The following GCNT4 variants were observed in gnomAD, a reference collection of about 807,000 sequenced individuals.
The protein encoded by GCNT4 is glucosaminyl (N-acetyl) transferase 4, also known as beta-1,3-galactosyl-O-glycosyl-glycoprotein beta-1,6-N-acetylglucosaminyltransferase 4.
Under a neutral mutation model 31.3 loss-of-function variants are expected in GCNT4, and 17 were observed. The observed-to-expected ratio is 0.54, with a 90% CI of 0.37 to 0.81. The LOEUF (loss-of-function observed/expected upper bound fraction) is 0.81. Among genes scored for constraint, GCNT4 ranks in the 40% least tolerant of loss-of-function variants. The pLI is 0.00. For missense variants in GCNT4, 503 were observed against 525.5 expected (o/e 0.96, Z 0.42); for synonymous variants, 158 against 190.6 (o/e 0.83, Z 1.41).
intron 3 of GCNT4, among the ~76,000 whole-genome samples, chr5:75,045,932 GT>G (rs376030744): frequency 1.9e-4 from 28 of 145,172 alleles, no homozygotes; most frequent in Non-Finnish European, 2.5e-4. Flanking sequence ...ATTTGGAAAT[GT>G]TTTTTTTTTA....
chr5:75,042,283 AC>A (rs1227829884), intron 3 of GCNT4, among the ~76,000 whole-genome samples: 1 of 152,206 alleles, frequency 6.6e-6, no homozygotes, highest in Admixed American at 6.5e-5. Flanking sequence ...AAGTAGAAAA[AC>A]TGAATTGAAA....
At chr5:75,019,859 C>T in the GCNT4 span, among the ~76,000 whole-genome samples, 2 of 152,152 alleles carry the variant, frequency 1.3e-5, no homozygotes, top group East Asian at 3.9e-4. Flanking sequence ...AGATCACTTA[C>T]AAAGTTATTT....
chr5:75,034,567 C>G (rs1426383956), intron 3 of GCNT4, among the ~76,000 whole-genome samples: 1 of 152,208 alleles, frequency 6.6e-6, no homozygotes, highest in African/African-American at 2.4e-5. Context: ...AGGAAGTGGT[C>G]TTACAATTAC....
chr5:75,030,263 G>T, intron 3 of GCNT4: 1 of 486,098 alleles, frequency 2.1e-6, no homozygotes, highest in Non-Finnish European at 3.7e-6. Flanking sequence ...TTTGAGAGAT[G>T]TTGGTTTCCA....
chr5:75,043,654 C>T (rs899418353), intron 3 of GCNT4, among the ~76,000 whole-genome samples: 1 of 152,122 alleles, frequency 6.6e-6, no homozygotes, highest in African/African-American at 2.4e-5. Context: ...GACCTCAGCC[C>T]CCGTATCCTC....
At chr5:75,031,936 C>A (rs1419836488) in intron 3 of GCNT4, among the ~76,000 whole-genome samples, 3 of 152,134 alleles carry the variant, frequency 2.0e-5, no homozygotes, top group African/African-American at 7.2e-5. Flanking sequence ...TCTCAATAAA[C>A]CTTAAATGGA....
upstream of GCNT4, among the ~76,000 whole-genome samples, chr5:75,053,175 T>C (rs1743625277): frequency 6.6e-6 from 1 of 151,584 alleles, no homozygotes; most frequent in Non-Finnish European, 1.5e-5. Context: ...AGGCGGCGGC[T>C]GCCGCGGGGA....
At chr5:75,030,071 AT>A in intron 3 of GCNT4, 33 bp from the exon 4 acceptor site, 1 of 1,542,268 alleles carries the variant, frequency 6.5e-7, no homozygotes, top group Admixed American at 2.0e-5. Context: ...TCCAGTTGGA[AT>A]ATTAACAGAA....
intron 3 of GCNT4, among the ~76,000 whole-genome samples, chr5:75,036,352 T>C (rs2149962298): frequency 6.6e-6 from 1 of 152,240 alleles, no homozygotes; most frequent in Non-Finnish European, 1.5e-5. Flanking sequence ...CCCTCTATTA[T>C]AAGAAAGGAA....
chr5:75,027,415 T>C lies in GCNT4; in HGVS notation c.*1261A>G, dbSNP rs1742972651. 7.0e-6 allele frequency: 1 copy of C among 142,920 alleles called. No homozygotes were observed. Among genetic ancestry groups the C allele is most frequent in the Non-Finnish European group, 1.5e-5 (1 of 66,054 alleles). 8.9% of individuals were successfully genotyped at this position (142,920 alleles called of 1,614,324 possible). A position where few individuals can be genotyped will look rare whatever the true frequency, so the allele number is the denominator to read the frequency against. On this transcript the variant is annotated 3_prime_UTR_variant, in exon 4 of 4. Transcript: ENST00000652361. ...TTCTATATATAATATATAACATAAATATATATTACATATATATAAAATATA... is the reference window on the plus strand; with the variant it reads ...TTCTATATATAATATATAACATAAACATATATTACATATATATAAAATATA...
downstream of GCNT4, among the ~76,000 whole-genome samples, chr5:75,022,182 AT>A (rs75597671): frequency 1.2e-3 from 188 of 152,262 alleles, 3 homozygotes; most frequent in East Asian, 0.03. Context: ...TCCAAAATTC[AT>A]TTGTTTTTCA....
At chr5:75,048,119 T>C (rs1366336910) in intron 2 of GCNT4, 82 bp from the exon 3 acceptor site, 1 of 152,192 alleles carries the variant, frequency 6.6e-6, no homozygotes, top group African/African-American at 2.4e-5. Context: ...ATGACAACTA[T>C]TCCTCTGATG....
rs1743020837 is a variant in GCNT4 at position 75,029,726 on chromosome 5, C to T, written c.312G>A (p.Val104=). The T allele has an allele frequency of 1.2e-6, 2 of 1,614,080 alleles. No homozygotes were observed. Among genetic ancestry groups the T allele is most frequent in the Non-Finnish European group, 1.7e-6 (2 of 1,180,004 alleles). ...DIIDLEDDDV[V]AMTSDCDIYQ... is the part of the protein sequence containing the mutation. ...AAATGTCACAATCACTGGTCATTGC[C>T]ACAACATCATCATCCTCCAAGTCAA... The change falls in exon 4 of 4, where the codon GTG becomes GTA. Residue 104 remains valine (V), a synonymous_variant. Coordinates refer to ENST00000652361, the MANE Select transcript of GCNT4 (RefSeq NM_001366737.1).
intron 3 of GCNT4, chr5:75,030,587 CTGTAAAA>C (rs1165858955): frequency 6.0e-6 from 1 of 167,162 alleles, no homozygotes; most frequent in African/African-American, 2.4e-5. Context: ...GTATTAGAGA[CTGTAAAA>C]TGTATAGATA....
chr5:75,030,251 A>G (rs1743032931), intron 3 of GCNT4: 1 of 508,722 alleles, frequency 2.0e-6, no homozygotes, highest in Non-Finnish European at 3.5e-6. Context: ...ACTATACCTA[A>G]TTTTGAGAGA....
At chr5:75,049,790 G>C (rs1040512005) in intron 2 of GCNT4, among the ~76,000 whole-genome samples, 2 of 152,202 alleles carry the variant, frequency 1.3e-5, no homozygotes, top group African/African-American at 4.8e-5. Flanking sequence ...CTTGCCTTGT[G>C]AGTCAGGCAA....
rs1561371934 is a variant in GCNT4, at chr5:75,027,304, A to ATTC, written c.*1371_*1372insGAA. 9.3e-5 allele frequency: 11 copies of ATTC among 117,660 alleles called. No individual in the cohort carries two copies. Among genetic ancestry groups the ATTC allele is most frequent in the African/African-American group, 3.6e-4 (11 of 30,172 alleles). 7.3% of individuals were successfully genotyped at this position (117,660 alleles called of 1,614,324 possible). On this transcript the variant is annotated 3_prime_UTR_variant, in exon 4 of 4. Coordinates refer to ENST00000652361, the MANE Select transcript of GCNT4 (RefSeq NM_001366737.1). ...ATATAATATATATTTATATATATAT[A>ATTC]ATTATATGTATATATAATATATATT...
chr5:75,025,179 G>T (rs1341766705), downstream of GCNT4, among the ~76,000 whole-genome samples: 3 of 152,148 alleles, frequency 2.0e-5, no homozygotes, highest in African/African-American at 4.8e-5. Context: ...AAATTAAATG[G>T]CTTAAGTTCA....
At chr5:75,052,708 C>G (rs1459138751), upstream of GCNT4, 1 of 152,264 alleles carries the variant, frequency 6.6e-6, no homozygotes, top group African/African-American at 2.4e-5. Flanking sequence ...GCCGCGGTAG[C>G]AGTCCTTTCA....
Sources: allele counts gnomAD v4.1 joint callset (sites outside exome capture counted in the v4.1 genomes callset), GRCh38; gene constraint gnomAD v4.1.1; transcripts MANE v1.5; gene names NCBI Gene and HGNC (gene_info 2026-07-23, HGNC 2026-07-21).